SLC7A5: variants seen among roughly 807,000 people sequenced by gnomAD.
SLC7A5 encodes the protein large neutral amino acids transporter small subunit 1.
Under a neutral mutation model 50.2 loss-of-function variants are expected in SLC7A5, and 23 were observed. The observed-to-expected ratio is 0.46, with a 90% CI of 0.33 to 0.65. The LOEUF (loss-of-function observed/expected upper bound fraction) is 0.65. Among genes scored for constraint, SLC7A5 ranks in the 30% least tolerant of loss-of-function variants. SLC7A5 has a pLI of 0.02. For missense variants in SLC7A5, 578 were observed against 684.4 expected (o/e 0.84, Z 1.73); for synonymous variants, 393 against 330.6 (o/e 1.19, Z -2.05).
At chr16:87,842,563 C>T (rs966458878) in intron 2 of SLC7A5, among the ~76,000 whole-genome samples, 1 of 152,232 alleles carries the variant, frequency 6.6e-6, no homozygotes, top group African/African-American at 2.4e-5. Context: ...TCCTGTTTTG[C>T]ACCTGCTTCC....
intron 1 of SLC7A5, among the ~76,000 whole-genome samples, chr16:87,857,455 G>A (rs56126411): frequency 0.25 from 37,899 of 152,104 alleles, 5,390 homozygotes; most frequent in African/African-American, 0.38. Context: ...CCTAATTTTT[G>A]TATTTTTAGT....
intron 2 of SLC7A5, among the ~76,000 whole-genome samples, chr16:87,846,848 C>T (rs1199657322): frequency 6.6e-6 from 1 of 152,240 alleles, no homozygotes; most frequent in Non-Finnish European, 1.5e-5. Context: ...CTGTTGGACC[C>T]TGCATGGCAG....
intron 2 of SLC7A5, among the ~76,000 whole-genome samples, chr16:87,849,136 T>C (rs1289726638): frequency 6.6e-6 from 1 of 152,214 alleles, no homozygotes; most frequent in Non-Finnish European, 1.5e-5. Flanking sequence ...CGTTGCAAAA[T>C]TGAGGCCGGA....
chr16:87,836,393 T>C (rs1163219175), intron 8 of SLC7A5, 105 bp downstream of exon 8: 5 of 1,337,856 alleles, frequency 3.7e-6, no homozygotes, highest in Non-Finnish European at 5.2e-6. Context: ...CAGGGGCAGG[T>C]CCAGAGGCTG....
chr16:87,849,957 G>A (rs1039088467), intron 2 of SLC7A5, among the ~76,000 whole-genome samples: 2 of 152,186 alleles, frequency 1.3e-5, no homozygotes, highest in South Asian at 2.1e-4. Context: ...AACACCTGCT[G>A]CAGACTTTGT....
At position 87,830,097 on chromosome 16, in the gene SLC7A5, T is replaced by G. The variant is rs2054918809; in HGVS notation, c.*2873A>C. ...GAACACCCTACCCAACCCAGCCCAG[T>G]GTAACAGGTTAGCCATTAACACAGA... On this transcript the variant is annotated 3_prime_UTR_variant, in exon 10 of 10. Transcript: ENST00000261622. The G allele has an allele frequency of 6.6e-6, 1 of 152,170 alleles. No individual in the cohort carries two copies. Among genetic ancestry groups the G allele is most frequent in the Non-Finnish European group, 1.5e-5 (1 of 68,032 alleles). The allele number at this position is 152,170 out of a possible 1,614,324, so 9.4% of individuals were successfully genotyped here. A position where few individuals can be genotyped will look rare whatever the true frequency, so the allele number is the denominator to read the frequency against.
At position 87,853,024 on chromosome 16, in the gene SLC7A5, A is replaced by G. The variant is rs1034009894; in HGVS notation, c.539-1175T>C. 6.6e-6 allele frequency among the ~76,000 whole-genome samples: 1 copy of G among 152,214 alleles called. No homozygotes were observed. Among genetic ancestry groups the G allele is most frequent in the African/African-American group, 2.4e-5 (1 of 41,458 alleles). ...AAGGCCCAGCACGGGCCACCCACACAGCTCAGATCTCACAGCCCTCCCGGC... is the reference window on the plus strand; with the variant it reads ...AAGGCCCAGCACGGGCCACCCACACGGCTCAGATCTCACAGCCCTCCCGGC... On this transcript the variant is annotated intron_variant, in intron 1 of 9. Transcript: ENST00000261622. The surrounding 1 kb of genome is among the most constrained non-coding windows in gnomAD (Gnocchi z 4.4).
At position 87,834,678 on chromosome 16, in the gene SLC7A5, C is replaced by G. The variant is rs570100977; in HGVS notation, c.1291-87G>C. On this transcript the variant is annotated intron_variant, in intron 8 of 9. Coordinates refer to ENST00000261622, the MANE Select transcript of SLC7A5 (RefSeq NM_003486.7). ...CGAGGTTCCTCAGCCCTCCTGGGCC[C>G]TCCACACCCACGGCTGCTGACTTCC... 9.5e-6 allele frequency: 13 copies of G among 1,370,152 alleles called. No individual in the cohort carries two copies. The East Asian group carries it at 2.2e-4, about 24-fold the overall frequency. 84.9% of individuals were successfully genotyped at this position (1,370,152 alleles called of 1,614,324 possible).
intron 1 of SLC7A5, among the ~76,000 whole-genome samples, chr16:87,864,482 G>C (rs957479651): frequency 2.0e-5 from 3 of 152,148 alleles, no homozygotes; most frequent in Non-Finnish European, 4.4e-5. Flanking sequence ...TATAAGGGCA[G>C]GGTCTCCCTT....
intron 4 of SLC7A5, 134 bp downstream of exon 4, chr16:87,840,295 G>T (rs1233926877): frequency 2.5e-6 from 2 of 791,648 alleles, no homozygotes; most frequent in Non-Finnish European, 4.4e-6. Context: ...CATCCTGCTG[G>T]CCCCAGAGGC....
chr16:87,850,001 C>T (rs900751706), intron 2 of SLC7A5, among the ~76,000 whole-genome samples: 1 of 152,322 alleles, frequency 6.6e-6, no homozygotes, highest in Middle Eastern at 3.4e-3. Context: ...ACAGTCTGGC[C>T]CCAGCCCCTG....
Position 87,860,341 on chromosome 16 carries a change from TACACACACACACACACACAC to T in SLC7A5, c.539-8512_539-8493del, listed in dbSNP as rs370835904. 2.9e-3 allele frequency among the ~76,000 whole-genome samples: 250 copies of T among 86,184 alleles called. 6 individuals carry two copies. Among genetic ancestry groups the T allele is most frequent in the Middle Eastern group, 8.1e-3 (1 of 124 alleles). The allele number at this position is 86,184 out of a possible 152,430, so 56.5% of individuals were successfully genotyped here. On this transcript the variant is annotated intron_variant, in intron 1 of 9. Coordinates refer to ENST00000261622, the MANE Select transcript of SLC7A5 (RefSeq NM_003486.7). This position sits in a 1 kb window ranked among gnomAD's most constrained non-coding sequence, Gnocchi z 4.8. ...AAAGCATCTCAAAAAAAAAAAAAAA[TACACACACACACACACACAC>T]ACACACACACACACACACACACACA...
Position 87,833,087 on chromosome 16 carries a change from G to A in SLC7A5, c.1469-62C>T, listed in dbSNP as rs2054953124. 2 of 1,439,008 alleles carry A rather than the reference G, an allele frequency of 1.4e-6. No homozygotes were observed. The highest frequency in any genetic ancestry group is 2.8e-5 in the African/African-American group (2 of 71,354). The allele number at this position is 1,439,008 out of a possible 1,614,324, so 89.1% of individuals were successfully genotyped here. A position where few individuals can be genotyped will look rare whatever the true frequency, so the allele number is the denominator to read the frequency against. ...CTGGGTAGGCACCCGTGGGACACGGGGGCGTGAGCTGGGGCTCCCCCAGCC... is the reference window on the plus strand; with the variant it reads ...CTGGGTAGGCACCCGTGGGACACGGAGGCGTGAGCTGGGGCTCCCCCAGCC... On this transcript the variant is annotated intron_variant, in intron 9 of 9. Coordinates refer to ENST00000261622, the MANE Select transcript of SLC7A5 (RefSeq NM_003486.7). The surrounding 1 kb of genome is among the most constrained non-coding windows in gnomAD (Gnocchi z 6.0).
rs576374786 is a variant in SLC7A5 at position 87,839,104 on chromosome 16, C to G, written c.940-287G>C. Reference sequence around the variant, plus strand: ...TACGGCCTGCAGGTGGGGATCTTGCCTTCCCCCGTGGGGTCCTCCACAGGC... The same window carrying G: ...TACGGCCTGCAGGTGGGGATCTTGCGTTCCCCCGTGGGGTCCTCCACAGGC... On this transcript the variant is annotated intron_variant, in intron 5 of 9. Coordinates refer to ENST00000261622, the MANE Select transcript of SLC7A5 (RefSeq NM_003486.7). 2.0e-5 allele frequency among the ~76,000 whole-genome samples: 3 copies of G among 152,344 alleles called. No individual in the cohort carries two copies. In the South Asian group the frequency reaches 6.2e-4, roughly 32 times the overall value.
At chr16:87,834,672 T>C (rs2054975585) in intron 8 of SLC7A5, 81 bp from the exon 9 acceptor site, 1 of 1,442,462 alleles carries the variant, frequency 6.9e-7, no homozygotes, top group East Asian at 2.5e-5. Flanking sequence ...TCAGCCCTCC[T>C]GGGCCCTCCA....
chr16:87,869,378 C>A lies in SLC7A5; in HGVS notation c.45G>T (p.Ala15=), dbSNP rs772024444. The change falls in exon 1 of 10, where the codon GCG becomes GCT. Residue 15 remains alanine (A), a synonymous_variant. Coordinates refer to ENST00000261622, the MANE Select transcript of SLC7A5 (RefSeq NM_003486.7). ...CCCGCGCCTCTTCCTTCTCCTCGGC[C>A]GCCGGCGCCGCTAGCGCGCGCCGCT... is the stretch of plus-strand genomic sequence containing the variant. The part of the protein sequence containing the change: ...GPKRRALAAP[A]AEEKEEAREK... 1.9e-6 allele frequency: 3 copies of A among 1,596,536 alleles called. No individual in the cohort carries two copies. The South Asian group carries it at 3.3e-5, about 18-fold the overall frequency.
At chr16:87,840,179 C>G (rs2143734076) in intron 4 of SLC7A5, among the ~76,000 whole-genome samples, 1 of 152,356 alleles carries the variant, frequency 6.6e-6, no homozygotes, top group Middle Eastern at 3.4e-3. Context: ...GCCGAGAGCC[C>G]AGGCAGCTCC....
Position 87,869,207 on chromosome 16 carries a change from G to T in SLC7A5, c.216C>A (p.Pro72=). ...AGCCTGCCTCCTTGAGCACGCCCGT[G>T]GGCGTCACGAAGATGCCCGAGCCGA... The part of the protein sequence containing the change: ...TIIGSGIFVT[P]TGVLKEAGSP... The change falls in exon 1 of 10, where the codon CCC becomes CCA. Residue 72 remains proline, a synonymous_variant. Coordinates refer to ENST00000261622, the MANE Select transcript of SLC7A5 (RefSeq NM_003486.7). 1 of 1,612,602 alleles carries T rather than the reference G, an allele frequency of 6.2e-7. No individual in the cohort carries two copies. The highest frequency in any genetic ancestry group is 8.5e-7 in the Non-Finnish European group (1 of 1,179,830).
rs1378349204 is a variant in SLC7A5, at chr16:87,861,701, G to A, written c.538+7184C>T. Among the ~76,000 whole-genome samples, 1 of 152,178 alleles carries A rather than the reference G, an allele frequency of 6.6e-6. No homozygotes were observed. Among genetic ancestry groups the A allele is most frequent in the Admixed American group, 6.5e-5 (1 of 15,280 alleles). ...GCAACCCACCCTTCTGTGTGAAGGC[G>A]GCTGATACACATTTCTGGGCAAGAT... On this transcript the variant is annotated intron_variant, in intron 1 of 9. Coordinates refer to ENST00000261622, the MANE Select transcript of SLC7A5 (RefSeq NM_003486.7). The surrounding 1 kb of genome is among the most constrained non-coding windows in gnomAD (Gnocchi z 4.2).
Sources: gnomAD v4.1 joint callset for allele counts (sites outside exome capture counted in the v4.1 genomes callset) on GRCh38, gnomAD v4.1.1 for gene constraint, Gnocchi (gnomAD v3.1) non-coding constraint, MANE v1.5 for transcripts, NCBI Gene and HGNC (gene_info 2026-07-23, HGNC 2026-07-21) for gene names.